UMOD: variants seen among roughly 807,000 people sequenced by gnomAD.
UMOD encodes the protein uromodulin, also known as Tamm-Horsfall urinary glycoprotein.
Under a neutral mutation model 66.0 loss-of-function variants are expected in UMOD, and 64 were observed. That is an observed-to-expected ratio of 0.97 (90% CI 0.79 to 1.19). The LOEUF is 1.19. UMOD is among the 50% of genes most tolerant of loss of function. UMOD has a pLI of 0.00. For missense variants in UMOD, 764 were observed against 850.9 expected (o/e 0.90, Z 1.27); for synonymous variants, 398 against 352.7 (o/e 1.13, Z -1.44).
chr16:20,346,349 G>C lies in UMOD; in HGVS notation c.974-15C>G, dbSNP rs201798915. ...GAGGGAGATATCTGAAACAGGTTAG[G>C]TGGGATTGAGGACGTGTGTCTATAG... On this transcript the variant is annotated splice_polypyrimidine_tract_variant and intron_variant, in intron 4 of 10. Transcript: ENST00000396138. 113 of 1,614,124 alleles carry C rather than the reference G, an allele frequency of 7.0e-5. No individual in the cohort carries two copies. The East Asian group carries it at 1.9e-3, about 27-fold the overall frequency.
At chr16:20,340,745 A>G (rs1018313047) in intron 7 of UMOD, among the ~76,000 whole-genome samples, 1 of 152,016 alleles carries the variant, frequency 6.6e-6, no homozygotes, top group Non-Finnish European at 1.5e-5. Flanking sequence ...CTGTAATCCC[A>G]GCACTTTGGG....
Position 20,344,188 on chromosome 16 carries a change from G to T in UMOD, c.1183-16C>A. ...TTTCATTCCTCTGTTGCAGGGAATGGGGGTGGAGGGGGGGTGGGGATGAGA... is the reference window on the plus strand; with the variant it reads ...TTTCATTCCTCTGTTGCAGGGAATGTGGGTGGAGGGGGGGTGGGGATGAGA... On this transcript the variant is annotated splice_polypyrimidine_tract_variant and intron_variant, in intron 5 of 10. Coordinates refer to ENST00000396138, the MANE Select transcript of UMOD (RefSeq NM_003361.4). 1.9e-6 allele frequency: 3 copies of T among 1,558,662 alleles called. No individual in the cohort carries two copies. The highest frequency in any genetic ancestry group is 1.1e-5 in the South Asian group (1 of 89,998).
intron 6 of UMOD, among the ~76,000 whole-genome samples, chr16:20,341,691 A>G (rs74011922): frequency 0.021 from 3,104 of 151,028 alleles, 84 homozygotes; most frequent in African/African-American, 0.067. Context: ...CTACCCCTGT[A>G]GCTTTCAAGA....
In UMOD at chr16:20,348,515, G is replaced by A. The variant is rs772671877; in HGVS notation, c.786C>T (p.Val262=). 1.9e-6 allele frequency: 3 copies of A among 1,607,722 alleles called. No individual in the cohort carries two copies. The African/African-American group carries it at 4.0e-5, about 21-fold the overall frequency. ...SGHCCLWDAS[V]QVKACAGGYY... ...AGCCGCCGGCACAGGCCTTCACCTG[G>A]ACGGACGCATCCCACAGGCAGCAGT... Residue 262 remains valine, a synonymous_variant, in exon 3 of 11, where the codon GTC becomes GTT. Coordinates refer to ENST00000396138, the MANE Select transcript of UMOD (RefSeq NM_003361.4).
At chr16:20,349,270 A>C (rs562131373) in intron 2 of UMOD, 58 bp from the exon 3 acceptor site, 1 of 1,567,290 alleles carries the variant, frequency 6.4e-7, no homozygotes, top group Non-Finnish European at 8.7e-7. Flanking sequence ...GGCCACCCAG[A>C]GATCCTTCCC....
At position 20,349,117 on chromosome 16, in the gene UMOD, T is replaced by G. The variant is rs143248111; in HGVS notation, c.184A>C (p.Thr62Pro). 881 of 1,613,898 alleles carry G rather than the reference T, an allele frequency of 5.5e-4. 1 individual carries two copies. The highest frequency in any genetic ancestry group is 6.9e-4 in the Non-Finnish European group (809 of 1,179,998). Residue 62 changes from threonine (T) to proline (P), a missense_variant, in exon 3 of 11, where the codon ACC becomes CCC. Transcript: ENST00000396138. Reference protein sequence around the residue: ...CQEGFTGDGLTCVDLDECAIP... With the variant: ...CQEGFTGDGLPCVDLDECAIP... ...GCGCACTCATCCAGGTCCACGCAGGTCAGGCCATCGCCGGTGAAGCCCTCC... is the reference window on the plus strand; with the variant it reads ...GCGCACTCATCCAGGTCCACGCAGGGCAGGCCATCGCCGGTGAAGCCCTCC...
rs1299801199 is a variant in UMOD, at chr16:20,346,198, A to G, written c.1110T>C (p.Asn370=). Reference sequence around the variant, plus strand: ...ACACCCAGTCCCGGTTGTCTCTGTCATTGAAGCCCGAGCACCGGCTGTCAC... The same window carrying G: ...ACACCCAGTCCCGGTTGTCTCTGTCGTTGAAGCCCGAGCACCGGCTGTCAC... ...YLSDSRCSGF[N]DRDNRDWVSV... The change falls in exon 5 of 11, where the codon AAT becomes AAC. Residue 370 remains asparagine, a synonymous_variant. Coordinates refer to ENST00000396138, the MANE Select transcript of UMOD (RefSeq NM_003361.4). 1.2e-6 allele frequency: 2 copies of G among 1,614,132 alleles called. No individual in the cohort carries two copies. Among genetic ancestry groups the G allele is most frequent in the African/African-American group, 2.7e-5 (2 of 74,956 alleles).
chr16:20,356,016 G>A (rs1231323742), upstream of UMOD, among the ~76,000 whole-genome samples: 1 of 152,178 alleles, frequency 6.6e-6, no homozygotes, highest in Admixed American at 6.5e-5. Flanking sequence ...GGTCTTAGAA[G>A]GATAAGTGGT....
intron 7 of UMOD, 95 bp downstream of exon 7, chr16:20,340,991 CAAAAA>C: frequency 5.3e-4 from 547 of 1,027,192 alleles, no homozygotes; most frequent in Non-Finnish European, 6.0e-4. Flanking sequence ...AAGACTCTGT[CAAAAA>C]AAAAAAAAAA....
Position 20,346,264 on chromosome 16 carries a change from C to A in UMOD, c.1044G>T (p.Gln348His), listed in dbSNP as rs964761358. Residue 348 changes from glutamine to histidine, a missense_variant, in exon 5 of 11, where the codon CAG (glutamine) becomes CAT (histidine). Coordinates refer to ENST00000396138, the MANE Select transcript of UMOD (RefSeq NM_003361.4). ...NDMKVSLGKC[Q>H]LKSLGFDKVF... ...CCTTGTCGAAGCCCAGACTCTTCAG[C>A]TGGCACTTGCCCAGCGACACCTTCA... 1.9e-5 allele frequency: 31 copies of A among 1,614,164 alleles called. No individual in the cohort carries two copies. The highest frequency in any genetic ancestry group is 2.5e-5 in the Non-Finnish European group (30 of 1,180,060).
rs1346561428 is a variant in UMOD at position 20,349,202 on chromosome 16, A to G, written c.99T>C (p.Ser33=). The change falls in exon 3 of 11, where the codon TCT becomes TCC. Residue 33 remains serine (S), a synonymous_variant. Transcript: ENST00000396138. ...TGCAGGTGGCATTGCTGTGACATTCAGAGCACCATCCTGTGGACAGAAAAG... is the reference window on the plus strand; with the variant it reads ...TGCAGGTGGCATTGCTGTGACATTCGGAGCACCATCCTGTGGACAGAAAAG... ...ATDTSEARWC[S]ECHSNATCTE... 1.2e-6 allele frequency: 2 copies of G among 1,613,520 alleles called. No individual in the cohort carries two copies. The highest frequency in any genetic ancestry group is 4.5e-5 in the East Asian group (2 of 44,874).
intron 6 of UMOD, 83 bp downstream of exon 6, chr16:20,343,941 G>A (rs1965380706): frequency 6.5e-7 from 1 of 1,535,738 alleles, no homozygotes; most frequent in Admixed American, 1.7e-5. Flanking sequence ...CTCCCTGTGG[G>A]TGGCAGTTGA....
intron 4 of UMOD, among the ~76,000 whole-genome samples, chr16:20,346,837 G>A (rs2141668399): frequency 6.6e-6 from 1 of 151,862 alleles, no homozygotes; most frequent in South Asian, 2.1e-4. Flanking sequence ...CCTGCACGTT[G>A]TGCACATGTA....
chr16:20,348,953 C>T lies in UMOD; in HGVS notation c.348G>A (p.Gly116=), dbSNP rs1371263780. The T allele has an allele frequency of 6.4e-6, 10 of 1,573,624 alleles. No individual in the cohort carries two copies. Among genetic ancestry groups the T allele is most frequent in the Non-Finnish European group, 8.6e-6 (10 of 1,159,778 alleles). Residue 116 remains glycine, a synonymous_variant, in exon 3 of 11, where the codon GGG becomes GGA. Coordinates refer to ENST00000396138, the MANE Select transcript of UMOD (RefSeq NM_003361.4). ...TGGCCAGGGCGTGGCAGTGGCTAAG[C>T]CCAGGCTCAGCGCACTCATCCACGT... ...CTDVDECAEP[G]LSHCHALATC...
In UMOD at chr16:20,340,399, A is replaced by G. The variant is rs115048026; in HGVS notation, c.1577+692T>C. 9.0e-3 allele frequency among the ~76,000 whole-genome samples: 1,350 copies of G among 149,926 alleles called. 17 individuals carry two copies. Among genetic ancestry groups the G allele is most frequent in the South Asian group, 0.029 (137 of 4,722 alleles). The stretch of plus-strand genomic sequence containing the variant: ...AAAAACCAAACCAAATCAAACGACC[A>G]AAAAAAAAGACATTTGAAATACAAA... On this transcript the variant is annotated intron_variant, in intron 7 of 10. Coordinates refer to ENST00000396138, the MANE Select transcript of UMOD (RefSeq NM_003361.4).
chr16:20,345,551 C>CTCTT (rs899298573), intron 5 of UMOD, among the ~76,000 whole-genome samples: 11 of 126,136 alleles, frequency 8.7e-5, no homozygotes, highest in Non-Finnish European at 1.3e-4. Flanking sequence ...CTCTCTTTTT[C>CTCTT]TCTTTCTTTC....
In UMOD at chr16:20,341,285, C is replaced by G. The variant is rs147222401; in HGVS notation, c.1383G>C (p.Ala461=). The change falls in exon 7 of 11, where the codon GCG becomes GCC. Residue 461 remains alanine, a synonymous_variant. Coordinates refer to ENST00000396138, the MANE Select transcript of UMOD (RefSeq NM_003361.4). The stretch of plus-strand genomic sequence containing the variant: ...GCGTGTAGGAAGGGGTCTGGAAGAG[C>G]GCCATCCGCACGGTGAACATGCCGG... ...GGTGMFTVRM[A]LFQTPSYTQP... is the part of the protein sequence containing the mutation. 2 of 1,613,992 alleles carry G rather than the reference C, an allele frequency of 1.2e-6. No individual in the cohort carries two copies. Among genetic ancestry groups the G allele is most frequent in the Non-Finnish European group, 8.5e-7 (1 of 1,180,022 alleles).
intron 5 of UMOD, 81 bp downstream of exon 5, chr16:20,346,045 G>C: frequency 7.2e-7 from 1 of 1,386,170 alleles, no homozygotes; most frequent in Non-Finnish European, 1.0e-6. Context: ...ACTCCCCAAA[G>C]CTTCTATAAC....
At position 20,336,667 on chromosome 16, in the gene UMOD, A is replaced by G. The variant is rs1964890150; in HGVS notation, c.1801T>C (p.Leu601=). 2.5e-6 allele frequency: 4 copies of G among 1,614,126 alleles called. No homozygotes were observed. Among genetic ancestry groups the G allele is most frequent in the Non-Finnish European group, 3.4e-6 (4 of 1,179,982 alleles). The change falls in exon 9 of 11, where the codon TTG becomes CTG. Residue 601 remains leucine (L), a synonymous_variant. Coordinates refer to ENST00000396138, the MANE Select transcript of UMOD (RefSeq NM_003361.4). ...TTACCTTTCCGTGTGATGGGACCCA[A>G]GTTCAGGACACGGGATTGATCTATG... is the stretch of plus-strand genomic sequence containing the variant. ...SVIDQSRVLN[L]GPITRKGVQA...
Sources: allele counts gnomAD v4.1 joint callset (sites outside exome capture counted in the v4.1 genomes callset), GRCh38; gene constraint gnomAD v4.1.1; transcripts MANE v1.5; gene names NCBI Gene and HGNC (gene_info 2026-07-23, HGNC 2026-07-21).